The following GRIN2B variants were observed in gnomAD, a reference collection of about 807,000 sequenced individuals.
GRIN2B encodes glutamate receptor ionotropic, NMDA 2B.
In GRIN2B, 5 loss-of-function variants were observed where a neutral mutation model predicts 114.5. The ratio of observed to expected loss-of-function variants is 0.04; its 90% CI spans 0.02 to 0.09. The LOEUF (loss-of-function observed/expected upper bound fraction) is 0.09. Among genes scored for constraint, GRIN2B ranks in the 10% least tolerant of loss-of-function variants. The probability of loss-of-function intolerance (pLI) is 1.00; values close to 1 mark genes in which losing one functional copy is unlikely to be tolerated. For synonymous variants in GRIN2B, 787 were observed against 745.1 expected, an observed-to-expected ratio of 1.06 and a Z score of -0.92; for missense variants, 1,108 against 1,943.5, an observed-to-expected ratio of 0.57 and a Z score of 8.08.
intron 4 of GRIN2B, among the ~76,000 whole-genome samples, chr12:13,710,842 C>T (rs575327267): frequency 0.013 from 2,054 of 152,154 alleles, 52 homozygotes; most frequent in African/African-American, 0.047. Context: ...CATCAAGCTA[C>T]CAATGACTTT....
chr12:13,894,307 T>C (rs1007845150), intron 2 of GRIN2B, among the ~76,000 whole-genome samples: 19 of 152,118 alleles, frequency 1.2e-4, no homozygotes, highest in Non-Finnish European at 2.6e-4. Context: ...TCATTTATAA[T>C]AGTGAAAAAT....
intron 3 of GRIN2B, among the ~76,000 whole-genome samples, chr12:13,784,223 C>CAA (rs56197649): frequency 4.2e-5 from 3 of 71,906 alleles, no homozygotes; most frequent in African/African-American, 1.8e-4. Flanking sequence ...GACTTCGCCT[C>CAA]AAAAAAAAAA....
chr12:13,916,708 C>CAT (rs1179960287), intron 2 of GRIN2B, among the ~76,000 whole-genome samples: 27 of 105,450 alleles, frequency 2.6e-4, no homozygotes, highest in South Asian at 1.0e-3. Context: ...CATACATATA[C>CAT]ATATACACAC....
chr12:13,598,340 C>G (rs1949103569), intron 10 of GRIN2B, among the ~76,000 whole-genome samples: 1 of 152,214 alleles, frequency 6.6e-6, no homozygotes, highest in African/African-American at 2.4e-5. Flanking sequence ...ACACCTCCCT[C>G]GACCTCAGGC....
Position 13,940,023 on chromosome 12 carries a change from A to G in GRIN2B, c.-19+39905T>C, listed in dbSNP as rs536087087. On this transcript the variant is annotated intron_variant, in intron 2 of 13. Coordinates refer to ENST00000609686, the MANE Select transcript of GRIN2B (RefSeq NM_000834.5). ...ACCTGTAAGTGCAGGTCCATGGTCC[A>G]GTGGTATTTGTATTGCAAGCTTATG... Among the ~76,000 whole-genome samples, 17 of 152,302 alleles carry G rather than the reference A, an allele frequency of 1.1e-4. No homozygotes were observed. In the South Asian group the frequency reaches 3.5e-3, roughly 32 times the overall value.
intron 5 of GRIN2B, chr12:13,670,354 T>C (rs1397998583): frequency 1.3e-5 from 2 of 152,158 alleles, no homozygotes; most frequent in Non-Finnish European, 2.9e-5. Flanking sequence ...CTGAAAAAGA[T>C]AAGCAGAGAT....
intron 2 of GRIN2B, among the ~76,000 whole-genome samples, chr12:13,957,254 A>T (rs1277269136): frequency 6.6e-6 from 1 of 152,080 alleles, no homozygotes; most frequent in Non-Finnish European, 1.5e-5. Flanking sequence ...GGCCTCAGTA[A>T]ATATAGTAAC....
chr12:13,639,746 G>A (rs1949697252), intron 5 of GRIN2B, among the ~76,000 whole-genome samples: 1 of 152,026 alleles, frequency 6.6e-6, no homozygotes, highest in Non-Finnish European at 1.5e-5. Context: ...TTTCACTGGA[G>A]CCTTTATTTC....
At chr12:13,625,751 C>G (rs1591648194) in intron 5 of GRIN2B, among the ~76,000 whole-genome samples, 1 of 152,274 alleles carries the variant, frequency 6.6e-6, no homozygotes, top group Middle Eastern at 3.4e-3. Flanking sequence ...TCATTATTTT[C>G]ATTCACGTGC....
At chr12:13,868,212 A>C (rs1489518916) in intron 2 of GRIN2B, among the ~76,000 whole-genome samples, 1 of 151,156 alleles carries the variant, frequency 6.6e-6, no homozygotes, top group East Asian at 1.9e-4. Flanking sequence ...TCAGTGGTTC[A>C]TGCCTGAGCA....
At chr12:13,953,708 G>A (rs934241034) in intron 2 of GRIN2B, among the ~76,000 whole-genome samples, 3 of 152,096 alleles carry the variant, frequency 2.0e-5, no homozygotes, top group African/African-American at 2.4e-5. Context: ...CTGCCAGGCA[G>A]CCACCACTTG....
chr12:13,934,511 A>AT (rs753180968), intron 2 of GRIN2B, among the ~76,000 whole-genome samples: 3 of 152,212 alleles, frequency 2.0e-5, no homozygotes, highest in African/African-American at 2.4e-5. Flanking sequence ...CTTGTAAGTG[A>AT]TTTTAACTCA....
At chr12:13,674,933 A>T (rs190638914) in intron 5 of GRIN2B, among the ~76,000 whole-genome samples, 1 of 152,096 alleles carries the variant, frequency 6.6e-6, no homozygotes, top group Non-Finnish European at 1.5e-5. Context: ...CTGTAAAGCT[A>T]TTTTTCAGCA....
chr12:13,730,697 T>A (rs561189388), intron 4 of GRIN2B, among the ~76,000 whole-genome samples: 1 of 152,280 alleles, frequency 6.6e-6, no homozygotes, highest in African/African-American at 2.4e-5. Context: ...ATGGTTTGAA[T>A]CTTTCCCTTC....
intron 2 of GRIN2B, among the ~76,000 whole-genome samples, chr12:13,911,980 C>G (rs1269280791): frequency 6.6e-6 from 1 of 152,168 alleles, no homozygotes; most frequent in South Asian, 2.1e-4. Flanking sequence ...CAGCCACACT[C>G]GGGGCCAGGG....
chr12:13,574,110 C>T (rs1328655058), intron 10 of GRIN2B, among the ~76,000 whole-genome samples: 1 of 152,158 alleles, frequency 6.6e-6, no homozygotes, highest in Admixed American at 6.5e-5. Flanking sequence ...AATGATGAAA[C>T]CCAAAGAGGG....
At chr12:13,612,322 T>C (rs1949376445) in intron 8 of GRIN2B, among the ~76,000 whole-genome samples, 2 of 152,224 alleles carry the variant, frequency 1.3e-5, no homozygotes, top group South Asian at 2.1e-4. Flanking sequence ...GTTGAATTTG[T>C]TCAGGAATAA....
rs560174321 is a variant in GRIN2B at position 13,587,021 on chromosome 12, A to T, written c.2011-15057T>A. ...TACTGCAGATCCATTAGTGAACAAA[A>T]CAGACAAATTCTTGCCTTCATTGAG... On this transcript the variant is annotated intron_variant, in intron 10 of 13. Transcript: ENST00000609686. 3.5e-4 allele frequency among the ~76,000 whole-genome samples: 53 copies of T among 152,358 alleles called. 1 individual carries two copies. The Middle Eastern group carries it at 0.01, about 29-fold the overall frequency.
chr12:13,791,023 G>A (rs957357815), intron 3 of GRIN2B, among the ~76,000 whole-genome samples: 2 of 152,128 alleles, frequency 1.3e-5, no homozygotes, highest in Admixed American at 6.5e-5. Context: ...TTGGCATCAG[G>A]GAAAGGAGAA....
Sources: gnomAD v4.1 joint callset for allele counts (sites outside exome capture counted in the v4.1 genomes callset) on GRCh38, gnomAD v4.1.1 for gene constraint, MANE v1.5 for transcripts, NCBI Gene and HGNC (gene_info 2026-07-23, HGNC 2026-07-21) for gene names.